SLC35F4: variants seen among roughly 807,000 people sequenced by gnomAD.
SLC35F4 encodes the protein chromosome 14 open reading frame 36.
SLC35F4 carries 24 observed loss-of-function variants against 44.2 expected under a neutral mutation model. The observed-to-expected ratio is 0.54, with a 90% CI of 0.39 to 0.76. The LOEUF (loss-of-function observed/expected upper bound fraction) is 0.76. Ranked by LOEUF, SLC35F4 falls within the 30% of genes least tolerant of loss-of-function variation. The probability of loss-of-function intolerance (pLI) is 0.00; values close to 1 mark genes in which losing one functional copy is unlikely to be tolerated. For synonymous variants in SLC35F4, 238 were observed against 223.6 expected (o/e 1.06, Z -0.57); for missense variants, 562 against 586.1 (o/e 0.96, Z 0.42).
chr14:57,582,953 G>A (rs1317336148), intron 3 of SLC35F4, among the ~76,000 whole-genome samples: 2 of 152,226 alleles, frequency 1.3e-5, no homozygotes, highest in Non-Finnish European at 2.9e-5. Flanking sequence ...GGATGAGAAT[G>A]TTGGGAGTTG....
chr14:57,765,882 A>G (rs2077223070), intron 1 of SLC35F4, among the ~76,000 whole-genome samples: 1 of 152,222 alleles, frequency 6.6e-6, no homozygotes, highest in African/African-American at 2.4e-5. Context: ...ATGCTCAGCA[A>G]AGGCCTGGTT....
Position 57,597,516 on chromosome 14 carries a change from T to G in SLC35F4, c.104-3392A>C, listed in dbSNP as rs77575990. ...AAATGAAGAATAGTTTGTACCTTCATGGAACTCTCAGTTTTGTATGATGCA... is the reference window on the plus strand; with the variant it reads ...AAATGAAGAATAGTTTGTACCTTCAGGGAACTCTCAGTTTTGTATGATGCA... On this transcript the variant is annotated intron_variant, in intron 1 of 7. Transcript: ENST00000556826. 1.8e-4 allele frequency among the ~76,000 whole-genome samples: 28 copies of G among 152,344 alleles called. No individual in the cohort carries two copies. The East Asian group carries it at 5.2e-3, about 28-fold the overall frequency.
At chr14:57,688,216 C>T (rs146598840) in intron 1 of SLC35F4, among the ~76,000 whole-genome samples, 2 of 152,112 alleles carry the variant, frequency 1.3e-5, no homozygotes, top group East Asian at 3.9e-4. Flanking sequence ...GAGAGACAGA[C>T]AGAGACTGAG....
At chr14:57,751,191 T>A (rs767240481) in intron 1 of SLC35F4, among the ~76,000 whole-genome samples, 1 of 152,186 alleles carries the variant, frequency 6.6e-6, no homozygotes, top group African/African-American at 2.4e-5. Flanking sequence ...GAAGGTTATT[T>A]TTTCTGGGTG....
At chr14:57,702,019 T>C (rs1483037463) in intron 1 of SLC35F4, among the ~76,000 whole-genome samples, 1 of 152,150 alleles carries the variant, frequency 6.6e-6, no homozygotes, top group South Asian at 2.1e-4. Flanking sequence ...GAGACAAAGC[T>C]GTATCCATAA....
chr14:57,779,141 G>T (rs754751130), intron 1 of SLC35F4, among the ~76,000 whole-genome samples: 49 of 152,176 alleles, frequency 3.2e-4, no homozygotes, highest in Non-Finnish European at 7.1e-4. Flanking sequence ...CAAAATCAGA[G>T]CTGAAGTGAA....
In SLC35F4 at chr14:57,807,647, A is replaced by C. The variant is rs1192914272; in HGVS notation, c.103+58076T>G. 5.9e-5 allele frequency among the ~76,000 whole-genome samples: 9 copies of C among 151,956 alleles called. No individual in the cohort carries two copies. The South Asian group carries it at 1.9e-3, about 31-fold the overall frequency. ...ATTTATAAGGAAGCCATCAATCATCACATAAGACAGTGAGTTCCACACTTG... is the reference window on the plus strand; with the variant it reads ...ATTTATAAGGAAGCCATCAATCATCCCATAAGACAGTGAGTTCCACACTTG... On this transcript the variant is annotated intron_variant, in intron 1 of 7. Coordinates refer to ENST00000556826, the MANE Select transcript of SLC35F4 (RefSeq NM_001306087.2).
At chr14:57,919,993 A>C (rs1158971798) in intron 1 of SLC35F4, among the ~76,000 whole-genome samples, 1 of 152,104 alleles carries the variant, frequency 6.6e-6, no homozygotes, top group East Asian at 1.9e-4. Flanking sequence ...GCCTCCTCTC[A>C]TGTTTGCTCA....
At chr14:57,824,345 AAC>A (rs1250217938) in intron 1 of SLC35F4, among the ~76,000 whole-genome samples, 2 of 152,214 alleles carry the variant, frequency 1.3e-5, no homozygotes, top group African/African-American at 4.8e-5. Context: ...CAGCAGTGAC[AAC>A]AGTCAGAGCT....
chr14:57,689,299 A>G (rs1388825456), intron 1 of SLC35F4, among the ~76,000 whole-genome samples: 1 of 151,812 alleles, frequency 6.6e-6, no homozygotes, highest in African/African-American at 2.4e-5. Flanking sequence ...TGCCAAGTTG[A>G]CCTCCTAATT....
At chr14:57,651,401 CTGCCTCCAGCCCCATGAAGCCCAGCCAG>C (rs773703852) in intron 1 of SLC35F4, among the ~76,000 whole-genome samples, 54 of 152,054 alleles carry the variant, frequency 3.6e-4, no homozygotes, top group Non-Finnish European at 6.5e-4. Context: ...TGGGGGTAGA[CTGCCTCCAGCCCCATGAAGCCCAGCCAG>C]TGCCCCCAGC....
chr14:57,731,217 G>T (rs1566803539), intron 1 of SLC35F4, among the ~76,000 whole-genome samples: 1 of 152,058 alleles, frequency 6.6e-6, no homozygotes, highest in Non-Finnish European at 1.5e-5. Flanking sequence ...CTAAAGGTGG[G>T]GTCAGTGTCT....
intron 1 of SLC35F4, among the ~76,000 whole-genome samples, chr14:57,830,444 G>C (rs184657172): frequency 1.3e-5 from 2 of 152,142 alleles, no homozygotes; most frequent in African/African-American, 4.8e-5. Context: ...CAGTCTAAGA[G>C]TAACTTAGAA....
chr14:57,808,684 C>T (rs1274801582), intron 1 of SLC35F4, among the ~76,000 whole-genome samples: 5 of 149,392 alleles, frequency 3.3e-5, no homozygotes, highest in Non-Finnish European at 5.9e-5. Flanking sequence ...TGCAAAACTG[C>T]GGTGCCAGCT....
chr14:57,941,669 A>G (rs995057862), intron 1 of SLC35F4, among the ~76,000 whole-genome samples: 1 of 152,156 alleles, frequency 6.6e-6, no homozygotes, highest in African/African-American at 2.4e-5. Flanking sequence ...TGTTCACTTT[A>G]AAGTGATTAA....
At chr14:57,647,578 T>C (rs1408894440) in intron 1 of SLC35F4, among the ~76,000 whole-genome samples, 2 of 152,166 alleles carry the variant, frequency 1.3e-5, no homozygotes, top group East Asian at 3.9e-4. Context: ...ATAAGCTCTT[T>C]ATAAGGACTA....
intron 1 of SLC35F4, among the ~76,000 whole-genome samples, chr14:57,623,491 A>G (rs916205761): frequency 2.0e-5 from 3 of 152,230 alleles, no homozygotes; most frequent in Non-Finnish European, 2.9e-5. Context: ...CTCCACCCCA[A>G]ATTAACAGAA....
chr14:57,898,913 G>A (rs1888942218), intron 1 of SLC35F4, among the ~76,000 whole-genome samples: 1 of 152,156 alleles, frequency 6.6e-6, no homozygotes, highest in African/African-American at 2.4e-5. Flanking sequence ...GGAGTCTCCA[G>A]AAGAGCTGCA....
chr14:57,870,750 T>C (rs1888281502), upstream of SLC35F4, among the ~76,000 whole-genome samples: 7 of 152,304 alleles, frequency 4.6e-5, no homozygotes, highest in South Asian at 1.4e-3. Context: ...CTGCCCCTGC[T>C]CTGTCCATTG....
Sources: gnomAD v4.1 joint callset for allele counts (sites outside exome capture counted in the v4.1 genomes callset) on GRCh38, gnomAD v4.1.1 for gene constraint, MANE v1.5 for transcripts, NCBI Gene and HGNC (gene_info 2026-07-23, HGNC 2026-07-21) for gene names.